Variants in KAT6B observed in about 807,000 individuals in gnomAD.
KAT6B encodes the protein lysine acetyltransferase 6B.
KAT6B carries 10 observed loss-of-function variants against 187.5 expected under a neutral mutation model. That is an observed-to-expected ratio of 0.05 (90% CI 0.03 to 0.09). The LOEUF is 0.09. Among genes scored for constraint, KAT6B ranks in the 10% least tolerant of loss-of-function variants. The pLI is 1.00. For missense variants in KAT6B, 1,952 were observed against 2,558.9 expected (o/e 0.76, Z 5.12); for synonymous variants, 861 against 926.8 (o/e 0.93, Z 1.29).
chr10:74,886,038 G>A (rs1414767004), intron 3 of KAT6B, among the ~76,000 whole-genome samples: 5 of 152,140 alleles, frequency 3.3e-5, no homozygotes, highest in African/African-American at 9.7e-5. Flanking sequence ...GCCAGGGGAA[G>A]CTCTTTCTAA....
At chr10:74,851,547 G>T (rs1224676291) in intron 3 of KAT6B, among the ~76,000 whole-genome samples, 1 of 152,030 alleles carries the variant, frequency 6.6e-6, no homozygotes, top group African/African-American at 2.4e-5. Flanking sequence ...TGGCCAGGAT[G>T]GTCTCAATCT....
chr10:74,979,517 C>T (rs905820468), intron 10 of KAT6B, among the ~76,000 whole-genome samples, 178 bp downstream of exon 10: 1 of 151,600 alleles, frequency 6.6e-6, no homozygotes, highest in African/African-American at 2.4e-5. Flanking sequence ...TCCTTGTTCT[C>T]GGTAAATTCC....
chr10:74,996,735 C>T (rs1843454746), intron 13 of KAT6B, among the ~76,000 whole-genome samples: 1 of 134,884 alleles, frequency 7.4e-6, no homozygotes, highest in Admixed American at 8.2e-5. Flanking sequence ...CACCACTGCA[C>T]TCCAGCCTGG....
intron 11 of KAT6B, 43 bp downstream of exon 11, chr10:74,981,971 G>A (rs1359856034): frequency 1.9e-6 from 3 of 1,562,140 alleles, no homozygotes; most frequent in East Asian, 2.2e-5. Flanking sequence ...TTGAAATCTA[G>A]TACTCCTAAT....
At chr10:74,909,826 T>C (rs928930377) in intron 3 of KAT6B, among the ~76,000 whole-genome samples, 9 of 152,160 alleles carry the variant, frequency 5.9e-5, no homozygotes, top group African/African-American at 1.7e-4. Context: ...GTAGTATTTA[T>C]AGGGTAAGCA....
intron 13 of KAT6B, chr10:75,002,936 C>T (rs1429415341): frequency 6.6e-6 from 1 of 152,150 alleles, no homozygotes; most frequent in Non-Finnish European, 1.5e-5. Context: ...AATTGTTGAA[C>T]AAATGTTAAA....
intron 3 of KAT6B, among the ~76,000 whole-genome samples, chr10:74,898,516 T>G (rs1057009561): frequency 3.3e-5 from 5 of 152,240 alleles, no homozygotes; most frequent in Admixed American, 1.3e-4. Context: ...CAGTGGCTGA[T>G]CATTGCTCAC....
At chr10:74,978,689 G>T (rs1411461969) in intron 9 of KAT6B, among the ~76,000 whole-genome samples, 1 of 152,116 alleles carries the variant, frequency 6.6e-6, no homozygotes, top group East Asian at 1.9e-4. Context: ...ACCTCGTGTG[G>T]CTTACTACAT....
intron 13 of KAT6B, among the ~76,000 whole-genome samples, chr10:75,009,926 G>A (rs889449420): frequency 2.6e-5 from 4 of 152,128 alleles, no homozygotes; most frequent in Middle Eastern, 3.2e-3. Flanking sequence ...ACTTGAACCC[G>A]GGAGATGGTG....
intron 3 of KAT6B, among the ~76,000 whole-genome samples, chr10:74,947,736 A>G (rs1409187080): frequency 3.9e-5 from 6 of 152,330 alleles, no homozygotes; most frequent in Non-Finnish European, 7.3e-5. Flanking sequence ...TTACCCTAGT[A>G]AAGATCTAGG....
At chr10:74,829,641 C>T (rs1276658306) in intron 1 of KAT6B, among the ~76,000 whole-genome samples, 6 of 151,352 alleles carry the variant, frequency 4.0e-5, no homozygotes, top group Admixed American at 2.0e-4. Flanking sequence ...GGTGGGGTTT[C>T]GCCATGTTGG....
intron 13 of KAT6B, among the ~76,000 whole-genome samples, chr10:75,014,778 A>G (rs1844866391): frequency 6.6e-6 from 1 of 152,198 alleles, no homozygotes; most frequent in Non-Finnish European, 1.5e-5. Context: ...GCAGAGGTGT[A>G]GAACATCTGC....
At chr10:74,917,555 G>A (rs183806461) in intron 3 of KAT6B, among the ~76,000 whole-genome samples, 1 of 152,316 alleles carries the variant, frequency 6.6e-6, no homozygotes, top group Admixed American at 6.5e-5. Context: ...TGGTGCTTGA[G>A]GGAAGGGAGA....
At chr10:74,845,640 G>A (rs1188582184) in intron 3 of KAT6B, among the ~76,000 whole-genome samples, 2 of 151,558 alleles carry the variant, frequency 1.3e-5, no homozygotes, top group East Asian at 3.9e-4. Context: ...GGGAATACAG[G>A]TGTATGCCAC....
upstream of KAT6B, among the ~76,000 whole-genome samples, chr10:74,826,167 G>A (rs984261533): frequency 6.6e-6 from 1 of 152,086 alleles, no homozygotes; most frequent in African/African-American, 2.4e-5. Flanking sequence ...GAGGGAAAAG[G>A]CCTCCTGATT....
intron 7 of KAT6B, among the ~76,000 whole-genome samples, chr10:74,974,585 C>A (rs1478673345): frequency 6.6e-6 from 1 of 152,176 alleles, no homozygotes; most frequent in Non-Finnish European, 1.5e-5. Context: ...TAGCGAGTGA[C>A]CTCTAGTTTC....
intron 13 of KAT6B, among the ~76,000 whole-genome samples, chr10:75,008,506 G>A (rs982441657): frequency 3.9e-5 from 6 of 152,240 alleles, no homozygotes; most frequent in Non-Finnish European, 7.3e-5. Context: ...TTAAGAAGGT[G>A]ATTGTCTGTT....
At chr10:74,856,211 G>A (rs1390921823) in intron 3 of KAT6B, among the ~76,000 whole-genome samples, 2 of 152,030 alleles carry the variant, frequency 1.3e-5, no homozygotes, top group African/African-American at 4.8e-5. Context: ...TCAGCCTCCC[G>A]AGCAGCTGGG....
At chr10:74,977,583 T>A (rs1842244013) in intron 9 of KAT6B, 146 bp downstream of exon 9, 4 of 1,046,900 alleles carry the variant, frequency 3.8e-6, no homozygotes, top group Non-Finnish European at 5.9e-6. Flanking sequence ...TTCTACTGAC[T>A]GTACATTCAA....
Sources: allele counts gnomAD v4.1 joint callset (sites outside exome capture counted in the v4.1 genomes callset), GRCh38; gene constraint gnomAD v4.1.1; transcripts MANE v1.5; gene names NCBI Gene and HGNC (gene_info 2026-07-23, HGNC 2026-07-21).